STK32B: variants seen among roughly 807,000 people sequenced by gnomAD.
STK32B encodes the protein serine/threonine kinase 32B, also known as serine/threonine-protein kinase 32B.
STK32B carries 43 observed loss-of-function variants against 52.6 expected under a neutral mutation model. That is an observed-to-expected ratio of 0.82 (90% CI 0.64 to 1.05). The LOEUF is 1.05. Among genes scored for constraint, STK32B ranks in the 50% least tolerant of loss-of-function variants. The pLI is 0.00. For missense variants in STK32B, 621 were observed against 534.6 expected (o/e 1.16, Z -1.59); for synonymous variants, 238 against 204.3 (o/e 1.17, Z -1.41).
Position 5,206,416 on chromosome 4 carries a change from G to A in STK32B, c.260+37966G>A, listed in dbSNP as rs574588386. 4.7e-4 allele frequency among the ~76,000 whole-genome samples: 71 copies of A among 152,150 alleles called. No individual in the cohort carries two copies. The South Asian group carries it at 0.012, about 27-fold the overall frequency. On this transcript the variant is annotated intron_variant, in intron 3 of 11. Coordinates refer to ENST00000282908, the MANE Select transcript of STK32B (RefSeq NM_018401.3). ...GCTCTGGAGAGCCTCCATACCCCTC[G>A]GAAACAATAACGTGGTCAAGAGTTT...
chr4:5,081,622 C>G (rs562731628), intron 1 of STK32B, among the ~76,000 whole-genome samples: 1 of 152,072 alleles, frequency 6.6e-6, no homozygotes, highest in East Asian at 1.9e-4. Context: ...GACCTTTCAT[C>G]TAGCTCAAAG....
chr4:5,448,667 C>T (rs1715696728), intron 7 of STK32B, among the ~76,000 whole-genome samples: 1 of 152,016 alleles, frequency 6.6e-6, no homozygotes, highest in South Asian at 2.1e-4. Flanking sequence ...CTGAAAGATC[C>T]AGATGCTATT....
chr4:5,113,439 A>G (rs1419543490), intron 1 of STK32B, among the ~76,000 whole-genome samples: 2 of 152,216 alleles, frequency 1.3e-5, no homozygotes, highest in Non-Finnish European at 2.9e-5. Flanking sequence ...AATGCAGCAC[A>G]CAAAGCTTCT....
intron 1 of STK32B, among the ~76,000 whole-genome samples, chr4:5,116,249 T>C (rs76262424): frequency 0.015 from 2,240 of 152,240 alleles, 65 homozygotes; most frequent in African/African-American, 0.05. Flanking sequence ...GCCAGCTTTA[T>C]GGGTGTGTGA....
chr4:5,409,578 C>T (rs1178268310), intron 5 of STK32B, among the ~76,000 whole-genome samples: 1 of 152,088 alleles, frequency 6.6e-6, no homozygotes, highest in Non-Finnish European at 1.5e-5. Context: ...TCTCAAAAGC[C>T]TTGGACTGCA....
intron 3 of STK32B, among the ~76,000 whole-genome samples, chr4:5,297,280 T>G (rs955361388): frequency 9.2e-5 from 14 of 152,182 alleles, no homozygotes; most frequent in Non-Finnish European, 1.8e-4. Context: ...TCAAGGAGTA[T>G]CTTAGTGGTG....
intron 6 of STK32B, among the ~76,000 whole-genome samples, chr4:5,420,380 T>A (rs959545183): frequency 6.6e-6 from 1 of 152,196 alleles, no homozygotes; most frequent in South Asian, 2.1e-4. Context: ...CTGGGGCAAG[T>A]CTGACCAAAG....
intron 3 of STK32B, among the ~76,000 whole-genome samples, chr4:5,243,687 T>C (rs1030329946): frequency 5.9e-5 from 9 of 152,286 alleles, no homozygotes; most frequent in South Asian, 2.1e-4. Context: ...CCAGTTTTTG[T>C]CCATTCAGTA....
chr4:5,151,207 A>G (rs1238945034), intron 2 of STK32B, among the ~76,000 whole-genome samples: 1 of 152,244 alleles, frequency 6.6e-6, no homozygotes, highest in Non-Finnish European at 1.5e-5. Context: ...AGTATTCAGC[A>G]CAAGGTTAAC....
intron 1 of STK32B, among the ~76,000 whole-genome samples, chr4:5,101,863 G>A (rs1713805926): frequency 6.6e-6 from 1 of 152,168 alleles, no homozygotes; most frequent in African/African-American, 2.4e-5. Flanking sequence ...AATGTCATGT[G>A]GTAGTTAAAA....
intron 2 of STK32B, among the ~76,000 whole-genome samples, chr4:5,148,575 T>G (rs1223299587): frequency 6.6e-6 from 1 of 151,834 alleles, no homozygotes; most frequent in East Asian, 1.9e-4. Flanking sequence ...CTAATTTTTT[T>G]CATTGTGGTC....
intron 2 of STK32B, among the ~76,000 whole-genome samples, chr4:5,142,887 A>G (rs1357234333): frequency 1.3e-5 from 2 of 152,190 alleles, no homozygotes; most frequent in Non-Finnish European, 2.9e-5. Context: ...GATGGGCCTC[A>G]TCCAACCATT....
At chr4:5,493,638 T>C (rs562642742) in intron 11 of STK32B, among the ~76,000 whole-genome samples, 6 of 152,310 alleles carry the variant, frequency 3.9e-5, no homozygotes, top group Non-Finnish European at 8.8e-5. Flanking sequence ...ATGTGTTTGC[T>C]CTTGCTTCTC....
intron 3 of STK32B, among the ~76,000 whole-genome samples, chr4:5,310,148 A>G (rs2063863464): frequency 6.6e-6 from 1 of 152,190 alleles, no homozygotes; most frequent in African/African-American, 2.4e-5. Flanking sequence ...CCTGGGAAAC[A>G]GAGCAAGACT....
intron 3 of STK32B, among the ~76,000 whole-genome samples, chr4:5,204,877 G>A (rs1348586512): frequency 1.3e-5 from 2 of 152,156 alleles, no homozygotes; most frequent in African/African-American, 4.8e-5. Flanking sequence ...CCTCTTGATG[G>A]CTAATTTTTT....
chr4:5,073,274 A>G (rs1249917209), intron 1 of STK32B, among the ~76,000 whole-genome samples: 5 of 151,916 alleles, frequency 3.3e-5, no homozygotes, highest in Non-Finnish European at 7.4e-5. Flanking sequence ...ATGATTTTTA[A>G]AAATTCTATC....
intron 3 of STK32B, among the ~76,000 whole-genome samples, chr4:5,265,521 C>T (rs1727003790): frequency 6.6e-6 from 1 of 152,138 alleles, no homozygotes; most frequent in Non-Finnish European, 1.5e-5. Flanking sequence ...TGATGGGGTC[C>T]CAGGTTTATG....
At position 5,470,708 on chromosome 4, in the gene STK32B, A is replaced by T. The variant is rs536802697; in HGVS notation, c.1106+2638A>T. Among the ~76,000 whole-genome samples the T allele has an allele frequency of 1.3e-5, 2 of 152,310 alleles. No individual in the cohort carries two copies. The highest frequency in any genetic ancestry group is 6.5e-5 in the Admixed American group (1 of 15,302). On this transcript the variant is annotated intron_variant, in intron 11 of 11. Transcript: ENST00000282908. This position sits in a 1 kb window ranked among gnomAD's most constrained non-coding sequence, Gnocchi z 4.6. ...GCTGCAGTTTCTCAGCAGTAAAAAAAATGCCTATGAGAAGTTGATTCATGA... is the reference window on the plus strand; with the variant it reads ...GCTGCAGTTTCTCAGCAGTAAAAAATATGCCTATGAGAAGTTGATTCATGA...
the STK32B span, chr4:5,019,523 C>T: frequency 7.3e-7 from 1 of 1,363,284 alleles, no homozygotes; most frequent in African/African-American, 1.5e-5. Flanking sequence ...TCCACGCCTC[C>T]ACTTCCTGTG....
Sources: gnomAD v4.1 joint callset for allele counts (sites outside exome capture counted in the v4.1 genomes callset) on GRCh38, gnomAD v4.1.1 for gene constraint, Gnocchi (gnomAD v3.1) non-coding constraint, MANE v1.5 for transcripts, NCBI Gene and HGNC (gene_info 2026-07-23, HGNC 2026-07-21) for gene names.